Variants in SH3BGR observed in about 807,000 individuals in gnomAD.
SH3BGR encodes SH3 domain-binding glutamic acid-rich protein.
Under a neutral mutation model 24.5 loss-of-function variants are expected in SH3BGR, and 29 were observed. That is an observed-to-expected ratio of 1.18 (90% CI 0.88 to 1.61). The LOEUF (loss-of-function observed/expected upper bound fraction) is 1.61, where lower values mean the gene tolerates loss of function less well. Among genes scored for constraint, SH3BGR ranks in the 40% most tolerant of loss-of-function variants. SH3BGR has a pLI of 0.00. For missense variants in SH3BGR, 162 were observed against 205.8 expected, an observed-to-expected ratio of 0.79 and a Z score of 1.30; for synonymous variants, 55 against 65.7, an observed-to-expected ratio of 0.84 and a Z score of 0.79.
At chr21:39,462,354 T>C (rs1386581099) in intron 1 of SH3BGR, 21 bp from the exon 2 acceptor site, 3 of 1,573,546 alleles carry the variant, frequency 1.9e-6, no homozygotes, top group Non-Finnish European at 2.6e-6. Context: ...AACAGCCTAA[T>C]ATTTCTCTAC....
At position 39,499,925 on chromosome 21, in the gene SH3BGR, C is replaced by G. The variant is rs766443297; in HGVS notation, c.405+10C>G. ...AGCCCAGGAGAAGAATGTGAGTTTT[C>G]GCTTTTTCACAGCAGTTTGACTGGA... On this transcript the variant is annotated intron_variant, in intron 4 of 6. Transcript: ENST00000333634. 3 of 1,589,136 alleles carry G rather than the reference C, an allele frequency of 1.9e-6. No individual in the cohort carries two copies. The African/African-American group carries it at 4.0e-5, about 21-fold the overall frequency.
At chr21:39,492,245 C>G (rs1276658977) in intron 3 of SH3BGR, among the ~76,000 whole-genome samples, 1 of 152,050 alleles carries the variant, frequency 6.6e-6, no homozygotes, top group African/African-American at 2.4e-5. Flanking sequence ...CACCCTTTCC[C>G]CCTGAGTCCC....
rs116221307 is a variant in SH3BGR at position 39,472,354 on chromosome 21, A to G, written c.232-2781A>G. Among the ~76,000 whole-genome samples the G allele has an allele frequency of 2.0e-3, 308 of 152,210 alleles. 3 individuals carry two copies. Among genetic ancestry groups the G allele is most frequent in the African/African-American group, 6.7e-3 (280 of 41,546 alleles). On this transcript the variant is annotated intron_variant, in intron 2 of 6. Transcript: ENST00000333634. ...AACTCACAGCCTCAAGCCTTTTTAT[A>G]AATGTCATCAATCAGTTCATGAGGG...
chr21:39,485,300 A>T (rs2078191313), intron 3 of SH3BGR, among the ~76,000 whole-genome samples: 1 of 152,236 alleles, frequency 6.6e-6, no homozygotes, highest in Non-Finnish European at 1.5e-5. Flanking sequence ...AAAAATATAT[A>T]TGTATTCTGA....
chr21:39,459,205 T>A (rs2077714326), intron 1 of SH3BGR, among the ~76,000 whole-genome samples: 1 of 151,862 alleles, frequency 6.6e-6, no homozygotes, highest in Admixed American at 6.6e-5. Context: ...CCTACCTTCC[T>A]TCCTTCTTCC....
At chr21:39,459,178 C>G (rs962624886) in intron 1 of SH3BGR, among the ~76,000 whole-genome samples, 1 of 151,718 alleles carries the variant, frequency 6.6e-6, no homozygotes, top group African/African-American at 2.4e-5. Flanking sequence ...TCTCCTCCTT[C>G]CCTCCCTCTC....
At chr21:39,451,807 A>G (rs1403144894), upstream of SH3BGR, 48 of 1,322,432 alleles carry the variant, frequency 3.6e-5, 1 homozygote, top group Non-Finnish European at 5.1e-5. Flanking sequence ...GCGCGTTTAA[A>G]GTGATAGGGA....
Position 39,487,704 on chromosome 21 carries a change from A to G in SH3BGR, c.313-12119A>G, listed in dbSNP as rs527831283. Among the ~76,000 whole-genome samples the G allele has an allele frequency of 2.6e-5, 4 of 152,342 alleles. No individual in the cohort carries two copies. The South Asian group carries it at 8.3e-4, about 32-fold the overall frequency. On this transcript the variant is annotated intron_variant, in intron 3 of 6. Coordinates refer to ENST00000333634, the MANE Select transcript of SH3BGR (RefSeq NM_007341.3). ...GTCTAATGAATAAGGCAGGGATAAT[A>G]TATCTGGATCATGTAACTTTTGGCC...
At chr21:39,464,415 G>A (rs901661411) in intron 2 of SH3BGR, among the ~76,000 whole-genome samples, 5 of 152,126 alleles carry the variant, frequency 3.3e-5, no homozygotes, top group Non-Finnish European at 7.3e-5. Flanking sequence ...TAGAGACAAG[G>A]TTTCACCACA....
At chr21:39,453,851 C>T (rs1057320278) in intron 1 of SH3BGR, among the ~76,000 whole-genome samples, 1 of 152,150 alleles carries the variant, frequency 6.6e-6, no homozygotes, top group Non-Finnish European at 1.5e-5. Flanking sequence ...CGCATGGTGT[C>T]AAGTGTTTAT....
intron 3 of SH3BGR, among the ~76,000 whole-genome samples, chr21:39,498,298 C>G (rs1375137228): frequency 2.0e-5 from 3 of 152,106 alleles, no homozygotes; most frequent in African/African-American, 7.2e-5. Context: ...GTGTGTGTGG[C>G]TTAATTTGCT....
At chr21:39,512,873 T>TA (rs1291183502) in intron 6 of SH3BGR, among the ~76,000 whole-genome samples, 2 of 152,204 alleles carry the variant, frequency 1.3e-5, no homozygotes, top group African/African-American at 4.8e-5. Flanking sequence ...TTTTTCCTGA[T>TA]ATTTGGCAAA....
intron 2 of SH3BGR, among the ~76,000 whole-genome samples, chr21:39,466,393 C>T (rs963373007): frequency 6.6e-6 from 1 of 152,082 alleles, no homozygotes; most frequent in Non-Finnish European, 1.5e-5. Flanking sequence ...TTGCTGTTTT[C>T]CAATTGGGTT....
chr21:39,447,733 C>T (rs187309086), upstream of SH3BGR, among the ~76,000 whole-genome samples: 13 of 152,126 alleles, frequency 8.5e-5, no homozygotes, highest in Admixed American at 7.9e-4. Flanking sequence ...CTTTTGCTTT[C>T]GAAGGGGTGT....
At chr21:39,499,764 G>GTTTTTTTTTTTTTTTTTT in intron 3 of SH3BGR, 59 bp from the exon 4 acceptor site, 1 of 1,041,766 alleles carries the variant, frequency 9.6e-7, no homozygotes, top group Non-Finnish European at 1.4e-6. Flanking sequence ...TATGTGGCCT[G>GTTTTTTTTTTTTTTTTTT]TTTTTTTTTT....
In SH3BGR at chr21:39,462,372, C is replaced by T; in HGVS notation, c.46-3C>T. On this transcript the variant is annotated splice_region_variant and splice_polypyrimidine_tract_variant and intron_variant, in intron 1 of 6. Transcript: ENST00000333634. The stretch of plus-strand genomic sequence containing the variant: ...AGCCTAATATTTCTCTACTCTTGAC[C>T]AGATTAGGAAGAAACAGCAAGAAGT... The T allele has an allele frequency of 1.3e-6, 2 of 1,590,990 alleles. No individual in the cohort carries two copies. The highest frequency in any genetic ancestry group is 1.7e-6 in the Non-Finnish European group (2 of 1,173,582).
intron 3 of SH3BGR, among the ~76,000 whole-genome samples, chr21:39,475,653 C>A (rs763820501): frequency 1.2e-4 from 18 of 152,160 alleles, no homozygotes; most frequent in Admixed American, 6.6e-4. Flanking sequence ...ACATTTTGGT[C>A]TCATAAAAAT....
At chr21:39,480,252 T>C (rs1219804720) in intron 3 of SH3BGR, among the ~76,000 whole-genome samples, 3 of 152,174 alleles carry the variant, frequency 2.0e-5, no homozygotes, top group Non-Finnish European at 4.4e-5. Context: ...TGGCTTTTAG[T>C]ATATGTAGAG....
At chr21:39,488,552 T>C (rs2078247126) in intron 3 of SH3BGR, 2 of 352,582 alleles carry the variant, frequency 5.7e-6, no homozygotes, top group Non-Finnish European at 9.5e-6. Context: ...TGCTGCAGAC[T>C]GTGGCCAGGA....
Sources: gnomAD v4.1 joint callset for allele counts (sites outside exome capture counted in the v4.1 genomes callset) on GRCh38, gnomAD v4.1.1 for gene constraint, MANE v1.5 for transcripts, NCBI Gene and HGNC (gene_info 2026-07-23, HGNC 2026-07-21) for gene names.